The following WASHC2A variants were observed in gnomAD, a reference collection of about 807,000 sequenced individuals.
The protein encoded by WASHC2A is WASH complex subunit 2A.
WASHC2A carries 82 observed loss-of-function variants against 140.3 expected under a neutral mutation model. That is an observed-to-expected ratio of 0.58 (90% CI 0.49 to 0.70). The LOEUF (loss-of-function observed/expected upper bound fraction) is 0.70. WASHC2A is among the 30% of genes least tolerant of loss of function. WASHC2A has a pLI of 0.00. For synonymous variants in WASHC2A, 340 were observed against 560.8 expected (o/e 0.61, Z 5.56); for missense variants, 985 against 1,521.8 (o/e 0.65, Z 5.87).
chr10:50,119,985 C>G (rs1489673717), intron 23 of WASHC2A, among the ~76,000 whole-genome samples: 3 of 136,660 alleles, frequency 2.2e-5, no homozygotes, highest in Non-Finnish European at 3.1e-5. Flanking sequence ...TTCACCCCCC[C>G]TCTTCTGGGA....
At chr10:50,103,545 G>T (rs1240671407) in intron 17 of WASHC2A, among the ~76,000 whole-genome samples, 11 of 151,732 alleles carry the variant, frequency 7.2e-5, no homozygotes, top group African/African-American at 2.4e-4. Flanking sequence ...GGGCAACAGA[G>T]CGAGACTCCG....
Position 50,087,180 on chromosome 10 carries a change from T to C in WASHC2A, c.685-95T>C. 3.2e-6 allele frequency: 5 copies of C among 1,545,944 alleles called. No homozygotes were observed. In the South Asian group the frequency reaches 5.6e-5, roughly 17 times the overall value. ...GTCAGAGCTTTTTCTCCACTTGACA[T>C]AGAATCAGCCTGCCCCAGAGACTTA... On this transcript the variant is annotated intron_variant, in intron 7 of 30. Coordinates refer to ENST00000282633, the MANE Select transcript of WASHC2A (RefSeq NM_001005751.3).
chr10:50,093,424 G>C, intron 12 of WASHC2A, 38 bp downstream of exon 12: 1 of 1,083,980 alleles, frequency 9.2e-7, no homozygotes, highest in South Asian at 1.4e-5. Flanking sequence ...CCTGCAGCTA[G>C]CTGTGTCAGG....
At chr10:50,069,399 A>G in intron 2 of WASHC2A, 148 bp from the exon 3 acceptor site, 1 of 1,252,580 alleles carries the variant, frequency 8.0e-7, no homozygotes, top group Non-Finnish European at 1.1e-6. Context: ...AGCCCAGGCA[A>G]CAGAGTGAAA....
Position 50,106,450 on chromosome 10 carries a change from C to T in WASHC2A, c.1854C>T (p.Phe618=). 1 of 1,610,416 alleles carries T rather than the reference C, an allele frequency of 6.2e-7. No individual in the cohort carries two copies. Among genetic ancestry groups the T allele is most frequent in the Admixed American group, 1.7e-5 (1 of 59,510 alleles). Residue 618 remains phenylalanine (F), a synonymous_variant, in exon 19 of 31, where the codon TTC becomes TTT. Coordinates refer to ENST00000282633, the MANE Select transcript of WASHC2A (RefSeq NM_001005751.3). ...AAAAGAAAGCATCTGCCCTGTTGTTCAGCAGTGATGAGGAGGTGAGCTGAG... is the reference window on the plus strand; with the variant it reads ...AAAAGAAAGCATCTGCCCTGTTGTTTAGCAGTGATGAGGAGGTGAGCTGAG... ...LSKKKASALL[F]SSDEEDQWNI... is the part of the protein sequence containing the mutation.
intron 5 of WASHC2A, among the ~76,000 whole-genome samples, chr10:50,083,554 C>CTTTTT (rs1206903936): frequency 2.4e-5 from 2 of 83,690 alleles, no homozygotes; most frequent in Non-Finnish European, 4.5e-5. Context: ...ACTTTGGTAT[C>CTTTTT]TTTTTTTTTT....
chr10:50,080,281 T>C (rs1165680538), intron 4 of WASHC2A, among the ~76,000 whole-genome samples: 1 of 152,138 alleles, frequency 6.6e-6, no homozygotes, highest in Non-Finnish European at 1.5e-5. Flanking sequence ...TATAAAATAA[T>C]TGTAATTGTC....
intron 28 of WASHC2A, among the ~76,000 whole-genome samples, chr10:50,128,642 A>T (rs2669767): frequency 4.6e-5 from 7 of 151,918 alleles, no homozygotes; most frequent in Admixed American, 4.6e-4. Flanking sequence ...TTCCTTTTAA[A>T]GAGAATTTTC....
At chr10:50,087,449 T>C (rs1441561078) in intron 8 of WASHC2A, 127 bp downstream of exon 8, 51 of 1,293,442 alleles carry the variant, frequency 3.9e-5, no homozygotes, top group Non-Finnish European at 5.5e-5. Context: ...TTTATTTTCC[T>C]TTAAGCATTT....
intron 30 of WASHC2A, among the ~76,000 whole-genome samples, chr10:50,131,924 C>G (rs1325015966): frequency 1.3e-5 from 2 of 152,212 alleles, no homozygotes; most frequent in Non-Finnish European, 2.9e-5. Flanking sequence ...TGAATAACCC[C>G]TAGAGGTAAT....
chr10:50,077,116 CAAA>C (rs1337138073), intron 3 of WASHC2A, among the ~76,000 whole-genome samples: 8 of 120,028 alleles, frequency 6.7e-5, no homozygotes, highest in Non-Finnish European at 5.2e-5. Flanking sequence ...GACTCCATCT[CAAA>C]AAAAAAAAAA....
chr10:50,092,574 T>C (rs1840036487), intron 11 of WASHC2A, among the ~76,000 whole-genome samples: 1 of 151,962 alleles, frequency 6.6e-6, no homozygotes, highest in Admixed American at 6.6e-5. Flanking sequence ...GGAGAATCAC[T>C]TGAACCCGGG....
chr10:50,091,620 A>G (rs1436918604), intron 10 of WASHC2A, 102 bp downstream of exon 10: 1 of 972,934 alleles, frequency 1.0e-6, no homozygotes, highest in Admixed American at 2.7e-5. Flanking sequence ...TAATTACTAC[A>G]TATATTTATT....
chr10:50,099,446 G>T (rs1840845782), intron 16 of WASHC2A, among the ~76,000 whole-genome samples: 1 of 150,510 alleles, frequency 6.6e-6, no homozygotes, highest in Non-Finnish European at 1.5e-5. Flanking sequence ...ATTTTTTGTG[G>T]AGACGGGTTT....
At chr10:50,100,174 T>G (rs1840968371) in intron 17 of WASHC2A, 110 bp downstream of exon 17, 1 of 1,462,914 alleles carries the variant, frequency 6.8e-7, no homozygotes, top group Non-Finnish European at 9.3e-7. Context: ...TGTTAAGTAC[T>G]CCAGTTCTTT....
intron 30 of WASHC2A, among the ~76,000 whole-genome samples, chr10:50,132,365 A>T (rs934891934): frequency 6.6e-6 from 1 of 152,280 alleles, no homozygotes; most frequent in Non-Finnish European, 1.5e-5. Context: ...ACAGTCTTAC[A>T]TCGAGATGCC....
At chr10:50,113,537 G>C (rs1232624725) in intron 20 of WASHC2A, among the ~76,000 whole-genome samples, 62 of 152,098 alleles carry the variant, frequency 4.1e-4, no homozygotes, top group African/African-American at 1.5e-3. Context: ...CTGGAAATAG[G>C]CCTGTCCGCT....
intron 13 of WASHC2A, among the ~76,000 whole-genome samples, chr10:50,094,339 T>G (rs1840232199): frequency 6.8e-6 from 1 of 146,580 alleles, no homozygotes; most frequent in African/African-American, 2.5e-5. Context: ...TTTTGTATTT[T>G]TAGTAGAGAC....
intron 20 of WASHC2A, among the ~76,000 whole-genome samples, chr10:50,111,571 A>G (rs1842291303): frequency 6.6e-6 from 1 of 152,206 alleles, no homozygotes; most frequent in Non-Finnish European, 1.5e-5. Flanking sequence ...TGAAATGCTG[A>G]GCACAAGAGC....
Sources: gnomAD v4.1 joint callset for allele counts (sites outside exome capture counted in the v4.1 genomes callset) on GRCh38, gnomAD v4.1.1 for gene constraint, MANE v1.5 for transcripts, NCBI Gene and HGNC (gene_info 2026-07-23, HGNC 2026-07-21) for gene names.